COL4A2: variants seen among roughly 807,000 people sequenced by gnomAD.
The protein encoded by COL4A2 is collagen type IV alpha 2 chain.
COL4A2 carries 99 observed loss-of-function variants against 200.2 expected under a neutral mutation model. The observed-to-expected ratio is 0.49, with a 90% CI of 0.42 to 0.58. The LOEUF (loss-of-function observed/expected upper bound fraction) is 0.58, where lower values mean the gene tolerates loss of function less well. Ranked by LOEUF, COL4A2 falls within the 20% of genes least tolerant of loss-of-function variation. COL4A2 has a pLI of 0.00. For missense variants in COL4A2, 1,950 were observed against 2,314.1 expected, an observed-to-expected ratio of 0.84 and a Z score of 3.23; for synonymous variants, 897 against 900.6, an observed-to-expected ratio of 1.00 and a Z score of 0.07.
At chr13:110,384,996 G>A (rs1242965509) in intron 4 of COL4A2, among the ~76,000 whole-genome samples, 1 of 152,214 alleles carries the variant, frequency 6.6e-6, no homozygotes, top group Non-Finnish European at 1.5e-5. Context: ...CGGGCGCGGT[G>A]GCTCACGCCT....
intron 4 of COL4A2, among the ~76,000 whole-genome samples, chr13:110,360,064 T>C (rs991548358): frequency 1.3e-5 from 2 of 152,224 alleles, no homozygotes; most frequent in Non-Finnish European, 2.9e-5. Context: ...CTGGGTCTCA[T>C]GCTATGGATT....
At position 110,512,119 on chromosome 13, in the gene COL4A2, C is replaced by T. The variant is rs769098748; in HGVS notation, c.5067C>T (p.Ser1689=). 28 of 1,613,448 alleles carry T rather than the reference C, an allele frequency of 1.7e-5. No individual in the cohort carries two copies. The East Asian group carries it at 3.3e-4, about 19-fold the overall frequency. ...AGCAGAGCTTCCAGGGCTCGCCCTC[C>T]GCCGACACGCTCAAGGCCGGCCTCA... ...IPEQSFQGSP[S]ADTLKAGLIR... is the part of the protein sequence containing the mutation. The change falls in exon 48 of 48, where the codon TCC becomes TCT. Residue 1689 remains serine (S), a synonymous_variant. Coordinates refer to ENST00000360467, the MANE Select transcript of COL4A2 (RefSeq NM_001846.4).
At chr13:110,349,247 T>G (rs945405663) in intron 3 of COL4A2, among the ~76,000 whole-genome samples, 1 of 152,250 alleles carries the variant, frequency 6.6e-6, no homozygotes, top group Admixed American at 6.5e-5. Context: ...AGGACCAATC[T>G]GCCATGGAGA....
chr13:110,378,745 G>C (rs7320755), intron 4 of COL4A2, among the ~76,000 whole-genome samples: 51,914 of 152,100 alleles, frequency 0.34, 9,064 homozygotes, highest in African/African-American at 0.41. Context: ...GCATTTGAAC[G>C]ATACTTAGGA....
rs111749591 is a variant in COL4A2, at chr13:110,497,511, C to A, written c.3760+2044C>A. Among the ~76,000 whole-genome samples the A allele has an allele frequency of 5.9e-3, 849 of 144,296 alleles. 18 individuals carry two copies. Among genetic ancestry groups the A allele is most frequent in the Admixed American group, 0.015 (209 of 14,246 alleles). 94.7% of individuals were successfully genotyped at this position (144,296 alleles called of 152,430 possible). ...GGACTGAGGATTTAGGTCAATCCACCAGCACAACCTCCACTCAGGACTGAG... is the reference window on the plus strand; with the variant it reads ...GGACTGAGGATTTAGGTCAATCCACAAGCACAACCTCCACTCAGGACTGAG... On this transcript the variant is annotated intron_variant, in intron 40 of 47. Coordinates refer to ENST00000360467, the MANE Select transcript of COL4A2 (RefSeq NM_001846.4).
intron 6 of COL4A2, 109 bp downstream of exon 6, chr13:110,425,106 A>T: frequency 7.8e-7 from 1 of 1,289,886 alleles, no homozygotes; most frequent in Admixed American, 1.9e-5. Context: ...TGTTTATGAC[A>T]TAAAACACGT....
chr13:110,440,453 C>T (rs887853239), intron 16 of COL4A2, among the ~76,000 whole-genome samples: 1 of 151,970 alleles, frequency 6.6e-6, no homozygotes, highest in African/African-American at 2.4e-5. Context: ...CAAAATTTGC[C>T]AGGCATGGTG....
At chr13:110,507,802 C>G (rs562416864) in intron 46 of COL4A2, 133 bp from the exon 47 acceptor site, 1 of 855,520 alleles carries the variant, frequency 1.2e-6, no homozygotes, top group Non-Finnish European at 1.8e-6. Flanking sequence ...GCCTGGCCCT[C>G]CAGTAGGTGG....
intron 3 of COL4A2, among the ~76,000 whole-genome samples, chr13:110,312,878 G>A (rs912875756): frequency 3.3e-5 from 5 of 152,254 alleles, no homozygotes; most frequent in Non-Finnish European, 4.4e-5. Flanking sequence ...CTGGAGCCTG[G>A]AAGAGAATGT....
intron 39 of COL4A2, 116 bp downstream of exon 39, chr13:110,493,398 C>T: frequency 1.8e-6 from 2 of 1,108,166 alleles, no homozygotes; most frequent in Non-Finnish European, 1.3e-6. Flanking sequence ...GCAGGGTGGG[C>T]TTCCTGAAGT....
At chr13:110,452,120 TTTTG>T (rs10686508) in intron 20 of COL4A2, among the ~76,000 whole-genome samples, 135 of 151,394 alleles carry the variant, frequency 8.9e-4, no homozygotes, top group African/African-American at 1.2e-3. Context: ...AAAGTCTCTG[TTTTG>T]TTTGTTTGTT....
chr13:110,509,461 C>T (rs1884012092), intron 47 of COL4A2, among the ~76,000 whole-genome samples: 1 of 152,048 alleles, frequency 6.6e-6, no homozygotes, highest in Non-Finnish European at 1.5e-5. Flanking sequence ...TGGGCAGGGA[C>T]AGGCACAATT....
At chr13:110,350,541 A>T (rs1313296591) in intron 3 of COL4A2, among the ~76,000 whole-genome samples, 3 of 152,216 alleles carry the variant, frequency 2.0e-5, no homozygotes, top group Non-Finnish European at 4.4e-5. Context: ...CAGACATGCC[A>T]GGCACCCACT....
At chr13:110,455,268 G>T (rs1881682500) in intron 20 of COL4A2, among the ~76,000 whole-genome samples, 1 of 152,080 alleles carries the variant, frequency 6.6e-6, no homozygotes, top group South Asian at 2.1e-4. Context: ...GTGCAAATCT[G>T]CCCTTCACTC....
At chr13:110,346,544 G>A (rs1055106531) in intron 3 of COL4A2, among the ~76,000 whole-genome samples, 2 of 152,084 alleles carry the variant, frequency 1.3e-5, no homozygotes, top group Admixed American at 6.5e-5. Flanking sequence ...CTCATATTTC[G>A]ACGGGGCACC....
At chr13:110,395,950 A>G (rs1879167488) in intron 4 of COL4A2, among the ~76,000 whole-genome samples, 1 of 152,242 alleles carries the variant, frequency 6.6e-6, no homozygotes, top group South Asian at 2.1e-4. Context: ...GTCTCAAAAT[A>G]AAAGTCCATT....
chr13:110,352,893 C>T (rs950987242), intron 3 of COL4A2, among the ~76,000 whole-genome samples: 16 of 152,144 alleles, frequency 1.1e-4, no homozygotes, highest in African/African-American at 2.7e-4. Flanking sequence ...CCGGGCTGAA[C>T]GGCTACAGCA....
intron 29 of COL4A2, 80 bp downstream of exon 29, chr13:110,473,230 G>T: frequency 7.4e-7 from 1 of 1,350,194 alleles, no homozygotes; most frequent in East Asian, 2.5e-5. Flanking sequence ...CCCTTCCGGG[G>T]GATTTGGTAG....
rs1884830487 is a variant in COL4A2, at chr13:110,307,815, G to A, written c.-44-45G>A. The stretch of plus-strand genomic sequence containing the variant: ...CCGAGACCGGCGGTGAGGATGGGCT[G>A]CCTCCCTCATCCTGCGCTAAACTCG... On this transcript the variant is annotated intron_variant, in intron 1 of 47. Coordinates refer to ENST00000360467, the MANE Select transcript of COL4A2 (RefSeq NM_001846.4). This position sits in a 1 kb window ranked among gnomAD's most constrained non-coding sequence, Gnocchi z 5.0. 6 of 1,480,792 alleles carry A rather than the reference G, an allele frequency of 4.1e-6. No individual in the cohort carries two copies. In the East Asian group the frequency reaches 1.2e-4, roughly 29 times the overall value. 91.7% of individuals were successfully genotyped at this position (1,480,792 alleles called of 1,614,324 possible).
Sources: gnomAD v4.1 joint callset for allele counts (sites outside exome capture counted in the v4.1 genomes callset) on GRCh38, gnomAD v4.1.1 for gene constraint, Gnocchi (gnomAD v3.1) non-coding constraint, MANE v1.5 for transcripts, NCBI Gene and HGNC (gene_info 2026-07-23, HGNC 2026-07-21) for gene names.